BCAT1: variants seen among roughly 807,000 people sequenced by gnomAD.
BCAT1 encodes branched-chain-amino-acid aminotransferase, cytosolic.
BCAT1 carries 48 observed loss-of-function variants against 52.4 expected under a neutral mutation model. The observed-to-expected ratio is 0.92, with a 90% confidence interval of 0.73 to 1.16. The LOEUF is 1.16. Ranked by LOEUF, BCAT1 falls within the 50% of genes most tolerant of loss-of-function variation. The pLI is 0.00. For synonymous variants in BCAT1, 167 were observed against 161.3 expected (o/e 1.04, Z -0.27); for missense variants, 451 against 457.1 (o/e 0.99, Z 0.12).
In BCAT1 at chr12:24,818,044, T is replaced by A; in HGVS notation, c.1125A>T (p.Gly375=). Residue 375 remains glycine (G), a synonymous_variant, in exon 11 of 11, where the codon GGA becomes GGT. Coordinates refer to ENST00000261192, the MANE Select transcript of BCAT1 (RefSeq NM_005504.7). ...ILSKLTDIQY[G]REESDWTIVL... Reference sequence around the variant, plus strand: ...CAATTGTCCAGTCGCTCTCTTCTCTTCCATACTGCAACAAAAGCAAGAAAA... The same window carrying A: ...CAATTGTCCAGTCGCTCTCTTCTCTACCATACTGCAACAAAAGCAAGAAAA... The A allele has an allele frequency of 6.2e-7, 1 of 1,613,024 alleles. No homozygotes were observed. The highest frequency in any genetic ancestry group is 8.5e-7 in the Non-Finnish European group (1 of 1,179,360).
intron 1 of BCAT1, among the ~76,000 whole-genome samples, chr12:24,927,713 GA>G (rs753052852): frequency 5.9e-5 from 9 of 152,220 alleles, no homozygotes; most frequent in Non-Finnish European, 1.2e-4. Flanking sequence ...CCTCATCTCA[GA>G]AAGTCTCAGA....
intron 1 of BCAT1, among the ~76,000 whole-genome samples, chr12:24,906,684 G>C (rs1016585111): frequency 6.6e-6 from 1 of 152,104 alleles, no homozygotes; most frequent in Non-Finnish European, 1.5e-5. Context: ...TTTGAAAAAC[G>C]GGACAGAGCA....
chr12:24,837,519 C>T (rs546501109), intron 7 of BCAT1, among the ~76,000 whole-genome samples: 5 of 150,346 alleles, frequency 3.3e-5, no homozygotes, highest in East Asian at 2.0e-4. Context: ...CTCTGCCTCC[C>T]AGGGTCAAGT....
At chr12:24,836,906 G>GAAAAGAA (rs1401459794) in intron 7 of BCAT1, among the ~76,000 whole-genome samples, 2 of 76,266 alleles carry the variant, frequency 2.6e-5, no homozygotes, top group Admixed American at 1.6e-4. Context: ...AGAAAAGAAA[G>GAAAAGAA]AGAGAAAGAA....
chr12:24,888,509 G>A (rs1182968145), intron 3 of BCAT1, among the ~76,000 whole-genome samples: 1 of 152,078 alleles, frequency 6.6e-6, no homozygotes, highest in African/African-American at 2.4e-5. Flanking sequence ...AGAAAAAAAA[G>A]AAAGAAAGAA....
At chr12:24,936,477 C>A (rs1034350467) in intron 1 of BCAT1, among the ~76,000 whole-genome samples, 1 of 152,194 alleles carries the variant, frequency 6.6e-6, no homozygotes, top group African/African-American at 2.4e-5. Flanking sequence ...AAGTGATCCA[C>A]CCACCTTGGC....
intron 5 of BCAT1, among the ~76,000 whole-genome samples, chr12:24,861,873 T>C (rs1232842458): frequency 2.0e-5 from 3 of 152,208 alleles, no homozygotes; most frequent in Non-Finnish European, 4.4e-5. Flanking sequence ...CAGCCAAAAC[T>C]AAGATGGTGA....
At chr12:24,845,106 C>A (rs1047742254) in intron 6 of BCAT1, among the ~76,000 whole-genome samples, 2 of 151,078 alleles carry the variant, frequency 1.3e-5, no homozygotes, top group African/African-American at 4.9e-5. Flanking sequence ...CCCACCTACT[C>A]GGGAGGCTGA....
intron 7 of BCAT1, among the ~76,000 whole-genome samples, chr12:24,841,701 A>G (rs1941178584): frequency 6.6e-6 from 1 of 152,096 alleles, no homozygotes; most frequent in Non-Finnish European, 1.5e-5. Flanking sequence ...TCAGGAGTTC[A>G]AGACCAGCCT....
chr12:24,839,476 A>G (rs1332895240), intron 7 of BCAT1, among the ~76,000 whole-genome samples: 1 of 152,236 alleles, frequency 6.6e-6, no homozygotes, highest in Non-Finnish European at 1.5e-5. Context: ...GGTCCAGGAT[A>G]TGATACAATG....
At chr12:24,916,987 C>T (rs1262850540) in intron 1 of BCAT1, among the ~76,000 whole-genome samples, 7 of 152,080 alleles carry the variant, frequency 4.6e-5, no homozygotes, top group Admixed American at 1.3e-4. Context: ...TACCCCAATG[C>T]TGTAAGCTAT....
intron 10 of BCAT1, among the ~76,000 whole-genome samples, chr12:24,825,082 A>G (rs189958477): frequency 4.7e-4 from 70 of 149,356 alleles, no homozygotes; most frequent in Non-Finnish European, 5.5e-4. Context: ...ACAGGATTTC[A>G]TTCTTTTTTA....
chr12:24,943,881 A>G (rs905009511), intron 1 of BCAT1, among the ~76,000 whole-genome samples: 82 of 152,156 alleles, frequency 5.4e-4, no homozygotes, highest in Non-Finnish European at 6.3e-4. Flanking sequence ...CTACTCAGGA[A>G]GCTGAGGCAG....
At chr12:24,822,665 C>G (rs113768320) in intron 10 of BCAT1, among the ~76,000 whole-genome samples, 11 of 152,154 alleles carry the variant, frequency 7.2e-5, no homozygotes, top group Non-Finnish European at 1.2e-4. Flanking sequence ...GAGACGTGCT[C>G]TTCAATTCTG....
intron 1 of BCAT1, among the ~76,000 whole-genome samples, chr12:24,935,026 A>G (rs998696167): frequency 6.6e-6 from 1 of 152,170 alleles, no homozygotes; most frequent in East Asian, 1.9e-4. Context: ...CTATTGCTGT[A>G]TTAGCACTTG....
chr12:24,862,137 A>G (rs936064912), intron 5 of BCAT1, among the ~76,000 whole-genome samples: 7 of 152,216 alleles, frequency 4.6e-5, no homozygotes, highest in African/African-American at 1.7e-4. Flanking sequence ...ATAGCCAACC[A>G]GAAGCCTTCA....
intron 1 of BCAT1, among the ~76,000 whole-genome samples, chr12:24,945,169 T>C (rs1477612458): frequency 1.3e-5 from 2 of 152,230 alleles, no homozygotes; most frequent in Admixed American, 1.3e-4. Context: ...GAACCTGGTG[T>C]TCCAGAAAAG....
At chr12:24,898,686 T>A (rs1218183691) in intron 2 of BCAT1, among the ~76,000 whole-genome samples, 1 of 151,950 alleles carries the variant, frequency 6.6e-6, no homozygotes. Context: ...TGGCTAATTT[T>A]TGTATTTTTA....
chr12:24,883,145 G>T (rs1591836768), intron 3 of BCAT1, among the ~76,000 whole-genome samples: 1 of 151,976 alleles, frequency 6.6e-6, no homozygotes, highest in African/African-American at 2.4e-5. Flanking sequence ...AATGAGCCAG[G>T]CATGGTAGCA....
Sources: gnomAD v4.1 joint callset for allele counts (sites outside exome capture counted in the v4.1 genomes callset) on GRCh38, gnomAD v4.1.1 for gene constraint, MANE v1.5 for transcripts, NCBI Gene and HGNC (gene_info 2026-07-23, HGNC 2026-07-21) for gene names.